CDK13: variants seen among roughly 807,000 people sequenced by gnomAD.
The protein encoded by CDK13 is cyclin-dependent kinase 13.
In CDK13, 40 loss-of-function variants were observed where a neutral mutation model predicts 137.6. That is an observed-to-expected ratio of 0.29 (90% CI 0.23 to 0.38). CDK13 has a LOEUF of 0.38. CDK13 is among the 10% of genes least tolerant of loss of function. The pLI is 1.00. For missense variants in CDK13, 1,704 were observed against 1,951.8 expected (o/e 0.87, Z 2.39); for synonymous variants, 869 against 760.1 (o/e 1.14, Z -2.36).
chr7:40,004,629 C>A lies in CDK13; in HGVS notation c.2353+2598C>A, dbSNP rs369247741. Among the ~76,000 whole-genome samples the A allele has an allele frequency of 6.6e-5, 10 of 152,284 alleles. No individual in the cohort carries two copies. In the South Asian group the frequency reaches 1.9e-3, roughly 28 times the overall value. ...CATTACACTAATTGTGATTGCCATG[C>A]TGTGTGGTATTAAACTAAATTTGAT... is the stretch of plus-strand genomic sequence containing the variant. On this transcript the variant is annotated intron_variant, in intron 5 of 13. Transcript: ENST00000181839.
intron 5 of CDK13, among the ~76,000 whole-genome samples, chr7:40,038,350 A>G (rs1785531037): frequency 6.6e-6 from 1 of 152,240 alleles, no homozygotes; most frequent in Non-Finnish European, 1.5e-5. Flanking sequence ...GAGGCACTGC[A>G]CTGTGTGGGT....
chr7:39,958,553 C>T (rs1000213239), intron 1 of CDK13, among the ~76,000 whole-genome samples: 4 of 152,158 alleles, frequency 2.6e-5, no homozygotes, highest in African/African-American at 4.8e-5. Context: ...TTTCCATAAG[C>T]GGGAACATGT....
chr7:39,951,887 C>T (rs1583895417), intron 1 of CDK13, 35 bp downstream of exon 1: 2 of 1,326,864 alleles, frequency 1.5e-6, no homozygotes, highest in East Asian at 2.8e-5. Context: ...TGTGCCTTGG[C>T]TGCGCTGGCC....
At chr7:40,014,330 G>A (rs193080899) in intron 5 of CDK13, among the ~76,000 whole-genome samples, 2 of 151,644 alleles carry the variant, frequency 1.3e-5, no homozygotes, top group Non-Finnish European at 2.9e-5. Flanking sequence ...GCCTCCCAAA[G>A]TGCTGGGATT....
chr7:40,054,357 CAA>C (rs1409384118), intron 7 of CDK13, among the ~76,000 whole-genome samples: 1 of 151,604 alleles, frequency 6.6e-6, no homozygotes, highest in Non-Finnish European at 1.5e-5. Context: ...AATCTATAAA[CAA>C]AAAATATTTT....
At chr7:40,041,513 A>G (rs915297034) in intron 5 of CDK13, among the ~76,000 whole-genome samples, 16 of 152,128 alleles carry the variant, frequency 1.1e-4, no homozygotes, top group African/African-American at 3.6e-4. Context: ...ACTTTTAATA[A>G]TTCTCAAAGT....
At chr7:40,072,952 A>C (rs1786455606) in intron 9 of CDK13, 1 of 152,230 alleles carries the variant, frequency 6.6e-6, no homozygotes. Flanking sequence ...TTAGAATATA[A>C]AAGCCACAAA....
At chr7:40,017,138 A>T (rs1785021358) in intron 5 of CDK13, among the ~76,000 whole-genome samples, 1 of 152,152 alleles carries the variant, frequency 6.6e-6, no homozygotes, top group Admixed American at 6.5e-5. Context: ...GCCACTTAAA[A>T]AACAGAGATA....
chr7:40,038,089 A>G (rs1486945038), intron 5 of CDK13, among the ~76,000 whole-genome samples: 1 of 152,208 alleles, frequency 6.6e-6, no homozygotes, highest in Non-Finnish European at 1.5e-5. Flanking sequence ...CATTCAGAAT[A>G]GTGTCACTTC....
At chr7:40,066,196 C>G (rs550109867) in intron 9 of CDK13, among the ~76,000 whole-genome samples, 1 of 152,140 alleles carries the variant, frequency 6.6e-6, no homozygotes, top group Admixed American at 6.6e-5. Flanking sequence ...CAGAGTGAGA[C>G]CATGTCTCCA....
intron 5 of CDK13, among the ~76,000 whole-genome samples, chr7:40,016,726 T>G (rs1785012074): frequency 6.6e-6 from 1 of 152,078 alleles, no homozygotes; most frequent in Non-Finnish European, 1.5e-5. Flanking sequence ...AAGAAGAAAA[T>G]AATTTCTGGT....
chr7:39,978,023 T>G (rs1468488038), intron 1 of CDK13, among the ~76,000 whole-genome samples: 6 of 152,038 alleles, frequency 3.9e-5, no homozygotes, highest in Admixed American at 2.6e-4. Flanking sequence ...GGAGGGTGGA[T>G]TTGAAGAGGA....
At position 40,099,187 on chromosome 7, in the gene CDK13, TTAAAAA is replaced by T. The variant is rs1253261371; in HGVS notation, c.*4213_*4218del. 6.6e-5 allele frequency: 10 copies of T among 152,260 alleles called. No homozygotes were observed. Among genetic ancestry groups the T allele is most frequent in the Middle Eastern group, 3.4e-3 (1 of 294 alleles). The allele number at this position is 152,260 out of a possible 1,614,324, so 9.4% of individuals were successfully genotyped here. A position where few individuals can be genotyped will look rare whatever the true frequency, so the allele number is the denominator to read the frequency against. ...CAGATAATTTCTTAAATGTTTCTAC[TTAAAAA>T]TAAAAGCTATTAATAATAAGCTGTC... is the stretch of plus-strand genomic sequence containing the variant. On this transcript the variant is annotated 3_prime_UTR_variant, in exon 14 of 14. Transcript: ENST00000181839.
intron 6 of CDK13, 148 bp downstream of exon 6, chr7:40,046,173 G>A (rs1785735756): frequency 5.8e-6 from 3 of 516,350 alleles, no homozygotes; most frequent in Non-Finnish European, 1.0e-5. Context: ...CAACGTTTGG[G>A]TGATGGGTAC....
At chr7:39,971,113 G>C (rs994980048) in intron 1 of CDK13, among the ~76,000 whole-genome samples, 1 of 152,202 alleles carries the variant, frequency 6.6e-6, no homozygotes, top group African/African-American at 2.4e-5. Flanking sequence ...TCAACCATTG[G>C]ATTTCAAGTC....
In CDK13 at chr7:40,094,990, T is replaced by G; in HGVS notation, c.*10T>G. 1 of 1,360,916 alleles carries G rather than the reference T, an allele frequency of 7.3e-7. No homozygotes were observed. The highest frequency in any genetic ancestry group is 9.5e-7 in the Non-Finnish European group (1 of 1,051,534). The allele number at this position is 1,360,916 out of a possible 1,614,324, so 84.3% of individuals were successfully genotyped here. On this transcript the variant is annotated 3_prime_UTR_variant, in exon 14 of 14. Coordinates refer to ENST00000181839, the MANE Select transcript of CDK13 (RefSeq NM_003718.5). ...AGGGTTACCATACTGAGTATCTGTT[T>G]TTCCTCAGGCACATCATTTTTATCT...
rs1367392187 is a variant in CDK13 at position 39,950,703 on chromosome 7, A to G, written c.62A>G (p.Lys21Arg). Residue 21 changes from lysine to arginine, a missense_variant, in exon 1 of 14, where the codon AAG (lysine) becomes AGG (arginine). Transcript: ENST00000181839. ...GGGGLSWAEK[K>R]LEERRKRRRF... is the part of the protein sequence containing the mutation. The stretch of plus-strand genomic sequence containing the variant: ...GGGGGCCTGAGCTGGGCGGAGAAGA[A>G]GTTGGAGGAACGCCGCAAGCGGAGG... 1.4e-6 allele frequency: 2 copies of G among 1,448,158 alleles called. No homozygotes were observed. Among genetic ancestry groups the G allele is most frequent in the Admixed American group, 5.4e-5 (2 of 37,132 alleles). The allele number at this position is 1,448,158 out of a possible 1,614,324, so 89.7% of individuals were successfully genotyped here.
At position 40,047,865 on chromosome 7, in the gene CDK13, G is replaced by C. The variant is rs1055592058; in HGVS notation, c.2588G>C (p.Ser863Thr). 1.2e-6 allele frequency: 2 copies of C among 1,608,292 alleles called. No homozygotes were observed. Among genetic ancestry groups the C allele is most frequent in the South Asian group, 2.2e-5 (2 of 90,900 alleles). The change falls in exon 7 of 14, where the codon AGC becomes ACC. Residue 863 changes from serine (S) to threonine (T), a missense_variant. By Grantham distance (58) the Ser-to-Thr change is moderately conservative. Around this residue, in one of 5 missense-constraint regions of CDK13, gnomAD observed 130 missense variants for 362.4 expected, o/e 0.36. Transcript: ENST00000181839. ...LADFGLARLY[S>T]SEESRPYTNK... ...GACTTTGGACTTGCTCGATTGTATAGCTCAGAAGAAAGGTAAGCATACCTT... is the reference window on the plus strand; with the variant it reads ...GACTTTGGACTTGCTCGATTGTATACCTCAGAAGAAAGGTAAGCATACCTT...
intron 5 of CDK13, among the ~76,000 whole-genome samples, chr7:40,034,569 C>G (rs1785444960): frequency 6.6e-6 from 1 of 151,986 alleles, no homozygotes; most frequent in African/African-American, 2.4e-5. Flanking sequence ...GATGGACATT[C>G]AAGTTTTCTC....
Sources: allele counts gnomAD v4.1 joint callset (sites outside exome capture counted in the v4.1 genomes callset), GRCh38; gene constraint gnomAD v4.1.1; regional missense constraint gnomAD v4.1.1; transcripts MANE v1.5; gene names NCBI Gene and HGNC (gene_info 2026-07-23, HGNC 2026-07-21).